Variants in TASP1 observed in about 807,000 individuals in gnomAD.
TASP1 encodes the protein threonine aspartase 1.
TASP1 carries 16 observed loss-of-function variants against 56.6 expected under a neutral mutation model. That is an observed-to-expected ratio of 0.28 (90% CI 0.19 to 0.43). The LOEUF is 0.43. Among genes scored for constraint, TASP1 ranks in the 20% least tolerant of loss-of-function variants. The pLI, the probability that TASP1 is intolerant of heterozygous loss-of-function variation, is 1.00. For synonymous variants in TASP1, 179 were observed against 184.2 expected, an observed-to-expected ratio of 0.97 and a Z score of 0.23; for missense variants, 393 against 511.6, an observed-to-expected ratio of 0.77 and a Z score of 2.24.
chr20:13,202,226 C>T, the TASP1 span, among the ~76,000 whole-genome samples: 1 of 152,162 alleles, frequency 6.6e-6, no homozygotes, highest in Non-Finnish European at 1.5e-5. Flanking sequence ...CACAAATATT[C>T]CCTCCATGGC....
chr20:13,464,264 C>T (rs1213855876), intron 11 of TASP1, among the ~76,000 whole-genome samples: 1 of 152,044 alleles, frequency 6.6e-6, no homozygotes, highest in East Asian at 1.9e-4. Flanking sequence ...TGTGTCATTA[C>T]AAGAGGAAAT....
chr20:13,256,862 C>T, the TASP1 span, among the ~76,000 whole-genome samples: 2 of 152,042 alleles, frequency 1.3e-5, no homozygotes, highest in South Asian at 2.1e-4. Flanking sequence ...AGAAGTGATA[C>T]GTAAAAGTGT....
chr20:13,116,318 G>A, the TASP1 span, among the ~76,000 whole-genome samples: 2 of 152,150 alleles, frequency 1.3e-5, no homozygotes, highest in African/African-American at 2.4e-5. Context: ...TAACCTAAAC[G>A]GTTGTTTGAA....
At position 13,449,220 on chromosome 20, in the gene TASP1, T is replaced by C. The variant is rs941397641; in HGVS notation, c.986-14066A>G. ...GTGGACTTGGTAAACAAAGTTGATA[T>C]GGCCAAATAATGCAGGTGAGCAACT... On this transcript the variant is annotated intron_variant, in intron 11 of 13. Coordinates refer to ENST00000337743, the MANE Select transcript of TASP1 (RefSeq NM_017714.3). Among the ~76,000 whole-genome samples, 4 of 152,074 alleles carry C rather than the reference T, an allele frequency of 2.6e-5. No individual in the cohort carries two copies. In the East Asian group the frequency reaches 5.8e-4, roughly 22 times the overall value.
the TASP1 span, among the ~76,000 whole-genome samples, chr20:13,261,187 G>A: frequency 6.6e-6 from 1 of 152,192 alleles, no homozygotes; most frequent in East Asian, 1.9e-4. Flanking sequence ...GCTGAGTTGG[G>A]TGGATCACCT....
chr20:13,318,809 GC>G, the TASP1 span, among the ~76,000 whole-genome samples: 1 of 152,172 alleles, frequency 6.6e-6, no homozygotes, highest in Non-Finnish European at 1.5e-5. Context: ...CAACTACATA[GC>G]CTTCTAGAAA....
intron 12 of TASP1, among the ~76,000 whole-genome samples, chr20:13,433,887 T>C (rs184548347): frequency 5.5e-4 from 82 of 148,726 alleles, no homozygotes; most frequent in African/African-American, 1.9e-3. Flanking sequence ...TACACTGAGC[T>C]ATCACCATAC....
At chr20:13,595,462 T>C (rs1451572460) in intron 4 of TASP1, among the ~76,000 whole-genome samples, 1 of 152,152 alleles carries the variant, frequency 6.6e-6, no homozygotes, top group African/African-American at 2.4e-5. Context: ...CCCATCAGTG[T>C]GCTGTATTCA....
chr20:13,605,538 G>A (rs2048116605), intron 4 of TASP1, among the ~76,000 whole-genome samples: 1 of 151,842 alleles, frequency 6.6e-6, no homozygotes, highest in South Asian at 2.1e-4. Context: ...TAAATAGCTG[G>A]GCATGGTGGT....
downstream of TASP1, among the ~76,000 whole-genome samples, chr20:13,386,855 A>G (rs1390579043): frequency 6.6e-6 from 1 of 152,128 alleles, no homozygotes; most frequent in Admixed American, 6.6e-5. Flanking sequence ...TCAATTTCAC[A>G]TTAATTTTCT....
At chr20:13,540,702 A>G (rs1228585042) in intron 8 of TASP1, among the ~76,000 whole-genome samples, 2 of 152,230 alleles carry the variant, frequency 1.3e-5, no homozygotes, top group African/African-American at 2.4e-5. Context: ...GAAAATTGTT[A>G]TCTTCATTGG....
At chr20:13,298,704 T>G in the TASP1 span, among the ~76,000 whole-genome samples, 1 of 152,180 alleles carries the variant, frequency 6.6e-6, no homozygotes, top group African/African-American at 2.4e-5. Context: ...GAGGAAGTCT[T>G]GTGAATAATG....
intron 10 of TASP1, among the ~76,000 whole-genome samples, chr20:13,507,041 A>T (rs1187865826): frequency 6.6e-6 from 1 of 152,164 alleles, no homozygotes; most frequent in East Asian, 1.9e-4. Context: ...TTCATCAAAA[A>T]ACTATTAAAA....
chr20:13,423,080 A>G (rs558796579), intron 12 of TASP1, among the ~76,000 whole-genome samples: 2 of 152,368 alleles, frequency 1.3e-5, no homozygotes, highest in South Asian at 4.1e-4. Context: ...AATCTTCATC[A>G]AAGTAGCTTT....
the TASP1 span, among the ~76,000 whole-genome samples, chr20:13,131,123 G>A: frequency 9.9e-6 from 1 of 101,010 alleles, no homozygotes; most frequent in Admixed American, 1.0e-4. Flanking sequence ...AAACCACACC[G>A]ACTCCCCTGA....
chr20:13,571,677 G>GT (rs2147148165), intron 6 of TASP1, among the ~76,000 whole-genome samples: 1 of 152,248 alleles, frequency 6.6e-6, no homozygotes, highest in Admixed American at 6.5e-5. Flanking sequence ...TACAAGTCAG[G>GT]TAATGGCACT....
At chr20:13,235,104 A>G in the TASP1 span, among the ~76,000 whole-genome samples, 5 of 152,324 alleles carry the variant, frequency 3.3e-5, no homozygotes, top group South Asian at 2.1e-4. Flanking sequence ...ACGGTCTGCA[A>G]TTATAAGCAT....
the TASP1 span, among the ~76,000 whole-genome samples, chr20:13,315,289 C>T: frequency 0.12 from 18,418 of 151,988 alleles, 1,245 homozygotes; most frequent in Admixed American, 0.18. Context: ...CAACTATATG[C>T]TGTCTACAAG....
At chr20:13,159,606 CT>C in the TASP1 span, among the ~76,000 whole-genome samples, 3 of 152,114 alleles carry the variant, frequency 2.0e-5, no homozygotes, top group African/African-American at 7.2e-5. Context: ...TAGATTCTTT[CT>C]TTATGGAATT....
Sources: gnomAD v4.1 joint callset for allele counts (sites outside exome capture counted in the v4.1 genomes callset) on GRCh38, gnomAD v4.1.1 for gene constraint, MANE v1.5 for transcripts, NCBI Gene and HGNC (gene_info 2026-07-23, HGNC 2026-07-21) for gene names.